UQCRC1: variants seen among roughly 807,000 people sequenced by gnomAD.
The protein encoded by UQCRC1 is cytochrome b-c1 complex subunit 1, mitochondrial.
Under a neutral mutation model 58.0 loss-of-function variants are expected in UQCRC1, and 34 were observed. The ratio of observed to expected loss-of-function variants is 0.59; its 90% CI spans 0.45 to 0.78. UQCRC1 has a LOEUF of 0.78. Ranked by LOEUF, UQCRC1 falls within the 30% of genes least tolerant of loss-of-function variation. UQCRC1 has a pLI of 0.00. For missense variants in UQCRC1, 610 were observed against 646.0 expected, an observed-to-expected ratio of 0.94 and a Z score of 0.60; for synonymous variants, 276 against 248.8, an observed-to-expected ratio of 1.11 and a Z score of -1.03.
chr3:48,603,802 C>T (rs1575513273), intron 5 of UQCRC1, among the ~76,000 whole-genome samples, 159 bp from the exon 6 acceptor site: 1 of 152,276 alleles, frequency 6.6e-6, no homozygotes, highest in East Asian at 1.9e-4. Flanking sequence ...GTCTCTGCCA[C>T]CCACCCCTCC....
chr3:48,599,771 C>T, intron 11 of UQCRC1, 61 bp from the exon 12 acceptor site: 1 of 1,527,020 alleles, frequency 6.5e-7, no homozygotes, highest in South Asian at 1.1e-5. Context: ...CTCAGCCAGT[C>T]AGCATCATCC....
At chr3:48,609,451 C>T (rs2046444939) in intron 1 of UQCRC1, 101 bp downstream of exon 1, 1 of 1,521,094 alleles carries the variant, frequency 6.6e-7, no homozygotes, top group Admixed American at 2.0e-5. Flanking sequence ...ACGGCCCTGA[C>T]CCCGCGTCCT....
rs1166661227 is a variant in UQCRC1 at position 48,599,724 on chromosome 3, C to G, written c.1303-14G>C. Reference sequence around the variant, plus strand: ...GGCATCCACCTCCTGCAGGGTGAGGCAGAGGGCATACTGGCTAACGGGCAC... The same window carrying G: ...GGCATCCACCTCCTGCAGGGTGAGGGAGAGGGCATACTGGCTAACGGGCAC... On this transcript the variant is annotated splice_polypyrimidine_tract_variant and intron_variant, in intron 11 of 12. Coordinates refer to ENST00000203407, the MANE Select transcript of UQCRC1 (RefSeq NM_003365.3). 6.2e-7 allele frequency: 1 copy of G among 1,613,366 alleles called. No homozygotes were observed. The highest frequency in any genetic ancestry group is 2.2e-5 in the East Asian group (1 of 44,888).
At chr3:48,603,502 T>A (rs2046384036) in intron 6 of UQCRC1, 62 bp downstream of exon 6, 2 of 1,569,724 alleles carry the variant, frequency 1.3e-6, no homozygotes, top group Admixed American at 3.5e-5. Context: ...AACCAGGACC[T>A]CGGCTTTGAT....
chr3:48,599,529 T>C, intron 12 of UQCRC1, 106 bp downstream of exon 12: 1 of 1,283,644 alleles, frequency 7.8e-7, no homozygotes. Flanking sequence ...GGGCCTTAAC[T>C]GGCTGCTCTG....
chr3:48,605,666 C>T (rs1172804709), intron 3 of UQCRC1, 104 bp downstream of exon 3: 4 of 1,141,608 alleles, frequency 3.5e-6, no homozygotes, highest in Non-Finnish European at 2.5e-6. Context: ...AGACATCAGC[C>T]CCGCAACTGA....
At chr3:48,599,236 C>A in intron 12 of UQCRC1, 44 bp from the exon 13 acceptor site, 1 of 1,553,924 alleles carries the variant, frequency 6.4e-7, no homozygotes, top group Non-Finnish European at 8.7e-7. Flanking sequence ...ACCTGGCCTG[C>A]ACAGGGACAC....
rs2107841685 is a variant in UQCRC1, at chr3:48,599,199, G to A, written c.1379-7C>T. On this transcript the variant is annotated splice_region_variant and splice_polypyrimidine_tract_variant and intron_variant, in intron 12 of 12. Coordinates refer to ENST00000203407, the MANE Select transcript of UQCRC1 (RefSeq NM_003365.3). ...GGGAGCTGCTCAATGGGGCCTGTGG[G>A]GATAGGGTGGAGCGTCAGGGTGGGG... 6.3e-7 allele frequency: 1 copy of A among 1,596,024 alleles called. No individual in the cohort carries two copies. The highest frequency in any genetic ancestry group is 8.6e-7 in the Non-Finnish European group (1 of 1,168,176).
rs763505903 is a variant in UQCRC1, at chr3:48,609,585, G to T, written c.36C>A (p.Ala12=). ...GGGCGCGCAATAGCACTTGTGCCCC[G>T]GCGGTAGCGGCCCGACAGACCACGG... ...AASVVCRAAT[A]GAQVLLRARR... is the part of the protein sequence containing the mutation. Residue 12 remains alanine, a synonymous_variant, in exon 1 of 13, where the codon GCC becomes GCA. Transcript: ENST00000203407. The T allele has an allele frequency of 1.3e-6, 2 of 1,571,296 alleles. No individual in the cohort carries two copies. The highest frequency in any genetic ancestry group is 3.6e-5 in the Admixed American group (2 of 56,240).
chr3:48,599,069 G>T lies in UQCRC1; in HGVS notation c.*59C>A, dbSNP rs2046336124. On this transcript the variant is annotated 3_prime_UTR_variant, in exon 13 of 13. Coordinates refer to ENST00000203407, the MANE Select transcript of UQCRC1 (RefSeq NM_003365.3). ...TTAGAGGAGCCGAAGTGCTGTGTTTGTGGTGGGGGGGGGACCACAAACCCC... is the reference window on the plus strand; with the variant it reads ...TTAGAGGAGCCGAAGTGCTGTGTTTTTGGTGGGGGGGGGACCACAAACCCC... The T allele has an allele frequency of 1.3e-6, 2 of 1,594,194 alleles. No individual in the cohort carries two copies. Among genetic ancestry groups the T allele is most frequent in the Non-Finnish European group, 1.7e-6 (2 of 1,165,408 alleles).
chr3:48,601,216 G>C (rs2046362474), intron 7 of UQCRC1, 98 bp from the exon 8 acceptor site: 2 of 1,539,232 alleles, frequency 1.3e-6, no homozygotes, highest in African/African-American at 1.4e-5. Context: ...GTGAACATGT[G>C]TGCCTGTGAT....
At position 48,605,788 on chromosome 3, in the gene UQCRC1, C is replaced by G. The variant is rs748774120; in HGVS notation, c.279G>C (p.Leu93Phe). Residue 93 changes from leucine to phenylalanine, a missense_variant, in exon 3 of 13, where the codon TTG becomes TTC. Physicochemically the swap from Leu to Phe is conservative, Grantham distance 22 (BLOSUM62 0). Coordinates refer to ENST00000203407, the MANE Select transcript of UQCRC1 (RefSeq NM_003365.3). ...GCCTCACCTTGAAAGCCAGATGCTC[C>G]AAAAAGTAGCCTGCCCCATTATTCT... The part of the protein sequence containing the change: ...TEKNNGAGYF[L>F]EHLAFKGTKN... 2 of 1,613,446 alleles carry G rather than the reference C, an allele frequency of 1.2e-6. No individual in the cohort carries two copies. The highest frequency in any genetic ancestry group is 1.1e-5 in the South Asian group (1 of 90,964).
At position 48,600,838 on chromosome 3, in the gene UQCRC1, G is replaced by A. The variant is rs551263187; in HGVS notation, c.969C>T (p.His323=). ...CACCTGAAGCCAGTGGGCTGGACAG[G>A]TGCTGCCAGGGGGATAGGTGGTCAG... The part of the protein sequence containing the change: ...HYDCTYGGGV[H]LSSPLASGAV... Residue 323 remains histidine (H), a splice_region_variant and synonymous_variant, in exon 9 of 13, where the codon CAC becomes CAT. Transcript: ENST00000203407. The A allele has an allele frequency of 1.2e-6, 2 of 1,613,884 alleles. No individual in the cohort carries two copies. Among genetic ancestry groups the A allele is most frequent in the African/African-American group, 2.7e-5 (2 of 75,056 alleles).
chr3:48,609,481 T>C, intron 1 of UQCRC1, 71 bp downstream of exon 1: 2 of 1,532,464 alleles, frequency 1.3e-6, no homozygotes, highest in Non-Finnish European at 1.7e-6. Context: ...GACCTGCCAC[T>C]GCTAACAGCC....
At chr3:48,603,451 G>A in intron 6 of UQCRC1, 113 bp downstream of exon 6, 1 of 997,830 alleles carries the variant, frequency 1.0e-6, no homozygotes, top group South Asian at 1.4e-5. Flanking sequence ...AGGTTAGGGT[G>A]GGAGCAGAGT....
At chr3:48,606,782 C>T (rs2046416768) in intron 2 of UQCRC1, among the ~76,000 whole-genome samples, 1 of 151,780 alleles carries the variant, frequency 6.6e-6, no homozygotes, top group Admixed American at 6.6e-5. Context: ...GTACCACTCA[C>T]CCCACTTGGT....
At chr3:48,609,026 AT>A (rs2107849669) in intron 2 of UQCRC1, 135 bp downstream of exon 2, 2 of 1,235,366 alleles carry the variant, frequency 1.6e-6, no homozygotes, top group East Asian at 2.6e-5. Flanking sequence ...GAATGGGGCC[AT>A]TCTCGGGGTG....
chr3:48,604,744 C>T lies in UQCRC1; in HGVS notation c.334G>A (p.Glu112Lys). 6.2e-7 allele frequency: 1 copy of T among 1,614,174 alleles called. No individual in the cohort carries two copies. Among genetic ancestry groups the T allele is most frequent in the South Asian group, 1.1e-5 (1 of 91,084 alleles). The change falls in exon 4 of 13, where the codon GAG becomes AAG. Residue 112 changes from glutamate (E) to lysine (K), a missense_variant. Transcript: ENST00000203407. ...AGATGGGCCCCCATGCTCTCCACCT[C>T]CTTCTCCAGGGCACTGCCAGGCCGA... is the stretch of plus-strand genomic sequence containing the variant. Reference protein sequence around the residue: ...KNRPGSALEKEVESMGAHLNA... With the variant: ...KNRPGSALEKKVESMGAHLNA...
At position 48,600,687 on chromosome 3, in the gene UQCRC1, C is replaced by T. The variant is rs139928470; in HGVS notation, c.1120G>A (p.Gly374Arg). The T allele has an allele frequency of 7.4e-6, 12 of 1,614,078 alleles. No individual in the cohort carries two copies. Among genetic ancestry groups the T allele is most frequent in the East Asian group, 4.5e-5 (2 of 44,898 alleles). Residue 374 changes from glycine to arginine, a missense_variant, in exon 9 of 13, where the codon GGG becomes AGG. Physicochemically the swap from Gly to Arg is moderately radical, Grantham distance 125. Coordinates refer to ENST00000203407, the MANE Select transcript of UQCRC1 (RefSeq NM_003365.3). ...TACCAGGCTGCCACTTACCACTGCC[C>T]TTGCAGGACGAACATCATGTCATCG... ...KIDDMMFVLQ[G>R]QWMRLCTSAT... is the part of the protein sequence containing the mutation.
Sources: gnomAD v4.1 joint callset for allele counts (sites outside exome capture counted in the v4.1 genomes callset) on GRCh38, gnomAD v4.1.1 for gene constraint, MANE v1.5 for transcripts, NCBI Gene and HGNC (gene_info 2026-07-23, HGNC 2026-07-21) for gene names.